The following PTPRK variants were observed in gnomAD, a reference collection of about 807,000 sequenced individuals.
PTPRK encodes the protein protein tyrosine phosphatase receptor type K.
PTPRK carries 75 observed loss-of-function variants against 178.0 expected under a neutral mutation model. That is an observed-to-expected ratio of 0.42 (90% confidence interval 0.35 to 0.51). PTPRK has a LOEUF of 0.51. PTPRK is among the 20% of genes least tolerant of loss of function. The probability of loss-of-function intolerance (pLI) is 0.02; values close to 1 mark genes in which losing one functional copy is unlikely to be tolerated. For synonymous variants in PTPRK, 637 were observed against 620.6 expected (o/e 1.03, Z -0.39); for missense variants, 1,441 against 1,797.8 (o/e 0.80, Z 3.59).
rs1858902692 is a variant in PTPRK at position 128,520,533 on chromosome 6, G to A, written c.-175C>T. The stretch of plus-strand genomic sequence containing the variant: ...GCCAAACTACCTCAGGGGCGAAAGC[G>A]TCGCCAGCGTCGCCGGCCGGCCGCG... On this transcript the variant is annotated 5_prime_UTR_variant, in exon 1 of 30. In the 5' UTR this introduces an upstream ATG that the reference lacks. Transcript: ENST00000368226. The A allele has an allele frequency of 1.7e-6, 1 of 591,190 alleles. No individual in the cohort carries two copies. The allele number at this position is 591,190 out of a possible 1,614,324, so 36.6% of individuals were successfully genotyped here. A position where few individuals can be genotyped will look rare whatever the true frequency, so the allele number is the denominator to read the frequency against.
At chr6:127,993,105 C>G (rs57236812) in intron 18 of PTPRK, among the ~76,000 whole-genome samples, 64 of 151,536 alleles carry the variant, frequency 4.2e-4, no homozygotes, top group Non-Finnish European at 9.0e-4. Flanking sequence ...TACAAATGGA[C>G]GAGGACATAT....
At chr6:128,440,779 G>T (rs1392188355) in intron 1 of PTPRK, among the ~76,000 whole-genome samples, 1 of 151,884 alleles carries the variant, frequency 6.6e-6, no homozygotes, top group Non-Finnish European at 1.5e-5. Flanking sequence ...TTTTTTAACA[G>T]CTGGAGAGTA....
chr6:128,312,459 T>C (rs1481162383), intron 3 of PTPRK, among the ~76,000 whole-genome samples: 1 of 152,152 alleles, frequency 6.6e-6, no homozygotes, highest in East Asian at 1.9e-4. Context: ...GAGAAACTTT[T>C]ATTTCTGAAA....
chr6:128,086,893 A>C (rs1048188991), intron 8 of PTPRK, among the ~76,000 whole-genome samples: 3 of 152,092 alleles, frequency 2.0e-5, no homozygotes, highest in Admixed American at 6.6e-5. Context: ...ACTTAATATA[A>C]TTAAAACTGG....
At position 128,077,046 on chromosome 6, in the gene PTPRK, T is replaced by C. The variant is rs541301979; in HGVS notation, c.1883+1767A>G. Among the ~76,000 whole-genome samples, 5 of 152,190 alleles carry C rather than the reference T, an allele frequency of 3.3e-5. No individual in the cohort carries two copies. The East Asian group carries it at 7.7e-4, about 24-fold the overall frequency. On this transcript the variant is annotated intron_variant, in intron 11 of 29. Transcript: ENST00000368226. ...CAGTGATGCAAAAATAATAAAAATA[T>C]GCTGTGTTTGCAACTTACGTAAAAT...
At chr6:127,990,632 C>T in intron 21 of PTPRK, 137 bp downstream of exon 21, 1 of 631,492 alleles carries the variant, frequency 1.6e-6, no homozygotes, top group Non-Finnish European at 2.8e-6. Flanking sequence ...ACATAGTAAA[C>T]TCTCAAATAA....
At chr6:128,381,711 T>G (rs955090797) in intron 2 of PTPRK, among the ~76,000 whole-genome samples, 3 of 152,052 alleles carry the variant, frequency 2.0e-5, no homozygotes, top group African/African-American at 7.2e-5. Context: ...AATTTACTGA[T>G]GGGAAAATGG....
At chr6:128,265,235 T>A (rs1362830466) in intron 3 of PTPRK, among the ~76,000 whole-genome samples, 1 of 152,166 alleles carries the variant, frequency 6.6e-6, no homozygotes, top group African/African-American at 2.4e-5. Context: ...CCGTATATCA[T>A]CATATCACCA....
intron 1 of PTPRK, among the ~76,000 whole-genome samples, chr6:128,495,539 C>T (rs1350911046): frequency 6.6e-6 from 1 of 151,992 alleles, no homozygotes; most frequent in Non-Finnish European, 1.5e-5. Flanking sequence ...TCTCTAAGTC[C>T]CCACAAATCT....
In PTPRK at chr6:127,970,241, G is replaced by A. The variant is rs1485865203; in HGVS notation, c.4309C>T (p.Leu1437=). Residue 1437 remains leucine (L), a synonymous_variant, in exon 30 of 30, where the codon CTG becomes TTG. Coordinates refer to ENST00000368226, the MANE Select transcript of PTPRK (RefSeq NM_002844.4). The part of the protein sequence containing the change: ...RFCYDVALEY[L]ESS ...GTCTCACCCAACTAAGATGATTCCAGGTACTCCAAAGCTACATCATAGCAG... is the reference window on the plus strand; with the variant it reads ...GTCTCACCCAACTAAGATGATTCCAAGTACTCCAAAGCTACATCATAGCAG... 6.2e-7 allele frequency: 1 copy of A among 1,609,710 alleles called. No individual in the cohort carries two copies. The highest frequency in any genetic ancestry group is 1.3e-5 in the African/African-American group (1 of 74,674).
intron 14 of PTPRK, chr6:128,007,948 G>A (rs1778618437): frequency 1.2e-6 from 1 of 810,198 alleles, no homozygotes; most frequent in Non-Finnish European, 1.8e-6. Flanking sequence ...CACATATGAT[G>A]TATTTTCCAA....
At chr6:128,323,032 G>T (rs1829043114) in intron 2 of PTPRK, among the ~76,000 whole-genome samples, 1 of 152,032 alleles carries the variant, frequency 6.6e-6, no homozygotes, top group Non-Finnish European at 1.5e-5. Flanking sequence ...CCCCAGTTCT[G>T]TAACAGTCCC....
At chr6:128,470,162 AAACT>A (rs1850421143) in intron 1 of PTPRK, among the ~76,000 whole-genome samples, 1 of 152,148 alleles carries the variant, frequency 6.6e-6, no homozygotes, top group South Asian at 2.1e-4. Context: ...GCAGAATAAT[AAACT>A]AACCATCTTA....
At position 128,152,438 on chromosome 6, in the gene PTPRK, C is replaced by A. The variant is rs149864392; in HGVS notation, c.1162+31994G>T. On this transcript the variant is annotated intron_variant, in intron 7 of 29. Transcript: ENST00000368226. ...AAAACGAGGGATATCAGGGGAGAGG[C>A]ACCCTAGCTGGAGTGAGTACACTGG... 3.3e-5 allele frequency among the ~76,000 whole-genome samples: 5 copies of A among 151,846 alleles called. No homozygotes were observed. The East Asian group carries it at 9.8e-4, about 30-fold the overall frequency.
At chr6:128,092,991 A>G (rs1787243917) in intron 7 of PTPRK, among the ~76,000 whole-genome samples, 1 of 152,216 alleles carries the variant, frequency 6.6e-6, no homozygotes, top group African/African-American at 2.4e-5. Flanking sequence ...AATAACTTCA[A>G]GATATAACCT....
intron 2 of PTPRK, among the ~76,000 whole-genome samples, chr6:128,355,329 T>G (rs1185183043): frequency 6.6e-6 from 1 of 152,234 alleles, no homozygotes; most frequent in African/African-American, 2.4e-5. Context: ...CTATCTAAAT[T>G]ATTTGAAATT....
intron 2 of PTPRK, among the ~76,000 whole-genome samples, chr6:128,330,016 C>T (rs899965268): frequency 2.6e-5 from 4 of 152,134 alleles, no homozygotes; most frequent in Admixed American, 1.3e-4. Context: ...TGAATAGCTA[C>T]CAAAGCACCA....
intron 1 of PTPRK, among the ~76,000 whole-genome samples, chr6:128,428,640 TCAA>T (rs1844462727): frequency 6.6e-6 from 1 of 152,204 alleles, no homozygotes; most frequent in Admixed American, 6.5e-5. Flanking sequence ...ACAAATTACA[TCAA>T]CAAGTTAACT....
rs560023281 is a variant in PTPRK at position 128,013,699 on chromosome 6, A to G, written c.2195-4431T>C. Among the ~76,000 whole-genome samples the G allele has an allele frequency of 2.6e-5, 4 of 151,710 alleles. No homozygotes were observed. In the South Asian group the frequency reaches 8.3e-4, roughly 31 times the overall value. ...TTATCTTGGGCAAACTGGAATGCAC[A>G]GTCACTTTCTCACACAATTAGTTAC... On this transcript the variant is annotated intron_variant, in intron 13 of 29. Transcript: ENST00000368226.
Sources: allele counts gnomAD v4.1 joint callset (sites outside exome capture counted in the v4.1 genomes callset), GRCh38; gene constraint gnomAD v4.1.1; transcripts MANE v1.5; gene names NCBI Gene and HGNC (gene_info 2026-07-23, HGNC 2026-07-21).